Variants in OTULINL observed in about 807,000 individuals in gnomAD.
The protein encoded by OTULINL is OTU deubiquitinase with linear linkage specificity like.
Under a neutral mutation model 43.9 loss-of-function variants are expected in OTULINL, and 42 were observed. The ratio of observed to expected loss-of-function variants is 0.96; its 90% CI spans 0.75 to 1.24. The LOEUF (loss-of-function observed/expected upper bound fraction) is 1.24, where lower values mean the gene tolerates loss of function less well. Ranked by LOEUF, OTULINL falls within the 50% of genes most tolerant of loss-of-function variation. The pLI is 0.00. For missense variants in OTULINL, 411 were observed against 426.4 expected (o/e 0.96, Z 0.32); for synonymous variants, 172 against 153.6 (o/e 1.12, Z -0.88).
chr5:14,603,622 C>G (rs978172603), intron 5 of OTULINL, among the ~76,000 whole-genome samples: 2 of 152,022 alleles, frequency 1.3e-5, no homozygotes, highest in Non-Finnish European at 2.9e-5. Flanking sequence ...TCCCTGTTAT[C>G]TTCTTGGAGA....
intron 1 of OTULINL, among the ~76,000 whole-genome samples, chr5:14,600,512 T>C (rs765346015): frequency 6.6e-6 from 1 of 152,216 alleles, no homozygotes; most frequent in Admixed American, 6.5e-5. Context: ...AATTCAGATA[T>C]TCAGCAAGAA....
intron 1 of OTULINL, among the ~76,000 whole-genome samples, chr5:14,599,849 A>G (rs143549743): frequency 1.3e-5 from 2 of 152,234 alleles, no homozygotes; most frequent in East Asian, 1.9e-4. Flanking sequence ...CAAATCAGGA[A>G]TCACAGTGTA....
rs1249039038 is a variant in OTULINL, at chr5:14,612,838, G to T, written c.*2524G>T. ...TTTCTCTCTCAAATTTTGGCCTTAC[G>T]TGTCCATACTGAGGGGTTGTATGCA... On this transcript the variant is annotated 3_prime_UTR_variant, in exon 8 of 8. Transcript: ENST00000274217. 14 of 152,094 alleles carry T rather than the reference G, an allele frequency of 9.2e-5. No individual in the cohort carries two copies. Among genetic ancestry groups the T allele is most frequent in the African/African-American group, 2.9e-4 (12 of 41,406 alleles). 9.4% of individuals were successfully genotyped at this position (152,094 alleles called of 1,614,324 possible). A position where few individuals can be genotyped will look rare whatever the true frequency, so the allele number is the denominator to read the frequency against.
At chr5:14,582,277 C>T (rs1373334743) in intron 1 of OTULINL, among the ~76,000 whole-genome samples, 1 of 151,996 alleles carries the variant, frequency 6.6e-6, no homozygotes, top group African/African-American at 2.4e-5. Flanking sequence ...GGGTCGGGGT[C>T]CCCTCAGAGC....
At chr5:14,607,932 C>G (rs1449981038) in intron 6 of OTULINL, among the ~76,000 whole-genome samples, 4 of 152,210 alleles carry the variant, frequency 2.6e-5, no homozygotes, top group Admixed American at 2.6e-4. Context: ...GGGAAATAAC[C>G]TTTCTGGTCC....
intron 1 of OTULINL, 86 bp from the exon 2 acceptor site, chr5:14,600,879 A>G (rs1007702699): frequency 1.8e-3 from 1,342 of 760,168 alleles, no homozygotes; most frequent in Non-Finnish European, 2.2e-3. Flanking sequence ...AAATTATGCA[A>G]TCTCTCTCTG....
In OTULINL at chr5:14,614,116, A is replaced by G. The variant is rs1436341084; in HGVS notation, c.*3802A>G. On this transcript the variant is annotated 3_prime_UTR_variant, in exon 8 of 8. Transcript: ENST00000274217. ...TAGCAATAATTTTCTCTTAAATAGC[A>G]AATTTCTAAAGCTGTATGATTCTCT... 6.6e-6 allele frequency among the ~76,000 whole-genome samples: 1 copy of G among 152,222 alleles called. No homozygotes were observed. Among genetic ancestry groups the G allele is most frequent in the Non-Finnish European group, 1.5e-5 (1 of 68,048 alleles).
chr5:14,606,805 A>C (rs1383168533), intron 5 of OTULINL, among the ~76,000 whole-genome samples: 1 of 152,240 alleles, frequency 6.6e-6, no homozygotes, highest in Non-Finnish European at 1.5e-5. Flanking sequence ...GTTTCTATGG[A>C]CACAATTCTA....
At chr5:14,609,818 G>A (rs556334443) in intron 7 of OTULINL, among the ~76,000 whole-genome samples, 1 of 152,162 alleles carries the variant, frequency 6.6e-6, no homozygotes, top group Non-Finnish European at 1.5e-5. Flanking sequence ...TTTTAGTAGA[G>A]ACGGGGTTTC....
chr5:14,587,750 G>A (rs1759131919), intron 1 of OTULINL, among the ~76,000 whole-genome samples: 1 of 152,030 alleles, frequency 6.6e-6, no homozygotes, highest in African/African-American at 2.4e-5. Context: ...CTCAATTTTG[G>A]TTTGTTGACT....
chr5:14,602,439 G>GATTTTTTT, intron 5 of OTULINL, 107 bp downstream of exon 5: 1 of 1,160,282 alleles, frequency 8.6e-7, no homozygotes, highest in South Asian at 1.6e-5. Flanking sequence ...AGATTGAAGA[G>GATTTTTTT]ATTTTTTTGT....
At chr5:14,582,166 C>T (rs182928074) in intron 1 of OTULINL, among the ~76,000 whole-genome samples, 5 of 152,056 alleles carry the variant, frequency 3.3e-5, no homozygotes, top group Non-Finnish European at 7.4e-5. Flanking sequence ...GGGGTCGAGC[C>T]GCTGTCGGGG....
At chr5:14,595,640 C>CTTTTTTTTTTTTTTTTTTTTTTTTT (rs61482298) in intron 1 of OTULINL, among the ~76,000 whole-genome samples, 1 of 57,094 alleles carries the variant, frequency 1.8e-5, no homozygotes, top group Non-Finnish European at 3.1e-5. Context: ...AAAAACGGTG[C>CTTTTTTTTTTTTTTTTTTTTTTTTT]TTTTTTTTTT....
intron 1 of OTULINL, among the ~76,000 whole-genome samples, chr5:14,583,239 G>A (rs1486758561): frequency 6.6e-6 from 1 of 152,180 alleles, no homozygotes; most frequent in African/African-American, 2.4e-5. Flanking sequence ...CATAAAATGA[G>A]AGCCTCCAGT....
rs79717190 is a variant in OTULINL at position 14,600,902 on chromosome 5, C to T, written c.65-63C>T. On this transcript the variant is annotated intron_variant, in intron 1 of 7. Coordinates refer to ENST00000274217, the MANE Select transcript of OTULINL (RefSeq NM_019018.3). Reference sequence around the variant, plus strand: ...CAATCTCTCTCTGCATTTTTTTTCTCTTAAAGCAAACTTGTGTAATTGTGA... The same window carrying T: ...CAATCTCTCTCTGCATTTTTTTTCTTTTAAAGCAAACTTGTGTAATTGTGA... The T allele has an allele frequency of 2.3e-3, 2,952 of 1,303,662 alleles. 47 individuals carry two copies. In the African/African-American group the frequency reaches 0.042, roughly 19 times the overall value. 80.8% of individuals were successfully genotyped at this position (1,303,662 alleles called of 1,614,324 possible). A position where few individuals can be genotyped will look rare whatever the true frequency, so the allele number is the denominator to read the frequency against.
At chr5:14,588,742 A>T (rs555981195) in intron 1 of OTULINL, among the ~76,000 whole-genome samples, 12 of 152,334 alleles carry the variant, frequency 7.9e-5, no homozygotes, top group African/African-American at 2.9e-4. Context: ...TCTTTTGGGT[A>T]CAAGATGGCT....
intron 5 of OTULINL, among the ~76,000 whole-genome samples, chr5:14,605,717 G>A (rs1057341001): frequency 2.0e-5 from 3 of 152,100 alleles, no homozygotes; most frequent in Non-Finnish European, 2.9e-5. Context: ...TCAGAGTTCC[G>A]TAAATCTCTA....
chr5:14,610,901 T>C lies in OTULINL; in HGVS notation c.*587T>C, dbSNP rs1455857861. ...ATCTGTATAGTTTTATATATACATA[T>C]ATACACATAGACATACAGAGAACCA... On this transcript the variant is annotated 3_prime_UTR_variant, in exon 8 of 8. Transcript: ENST00000274217. 3 of 152,394 alleles carry C rather than the reference T, an allele frequency of 2.0e-5. No homozygotes were observed. Among genetic ancestry groups the C allele is most frequent in the Non-Finnish European group, 4.4e-5 (3 of 68,160 alleles). 9.4% of individuals were successfully genotyped at this position (152,394 alleles called of 1,614,324 possible).
chr5:14,602,246 T>A lies in OTULINL; in HGVS notation c.412T>A (p.Tyr138Asn). ...KCVRQVRRDN[Y>N]DALRSVLFQI... is the part of the protein sequence containing the mutation. ...TGTTCGACAAGTAAGGAGAGATAACTATGATGCTCTCAGATCAGTGTTATT... is the reference window on the plus strand; with the variant it reads ...TGTTCGACAAGTAAGGAGAGATAACAATGATGCTCTCAGATCAGTGTTATT... Residue 138 changes from tyrosine (Y) to asparagine (N), a missense_variant, in exon 5 of 8, where the codon TAT becomes AAT. Transcript: ENST00000274217. 6.2e-7 allele frequency: 1 copy of A among 1,613,466 alleles called. No individual in the cohort carries two copies. The highest frequency in any genetic ancestry group is 8.5e-7 in the Non-Finnish European group (1 of 1,179,462).
Sources: allele counts gnomAD v4.1 joint callset (sites outside exome capture counted in the v4.1 genomes callset), GRCh38; gene constraint gnomAD v4.1.1; transcripts MANE v1.5; gene names NCBI Gene and HGNC (gene_info 2026-07-23, HGNC 2026-07-21).